AXDND1: variants seen among roughly 807,000 people sequenced by gnomAD.
The protein encoded by AXDND1 is axonemal dynein light chain domain containing 1, also known as axonemal dynein light chain domain-containing protein 1.
A neutral mutation model predicts 137.5 loss-of-function variants in AXDND1; 110 were observed. The ratio of observed to expected loss-of-function variants is 0.80; its 90% CI spans 0.69 to 0.94. The LOEUF is 0.94. Ranked by LOEUF, AXDND1 falls within the 40% of genes least tolerant of loss-of-function variation. AXDND1 has a pLI of 0.00. For synonymous variants in AXDND1, 414 were observed against 399.7 expected, an observed-to-expected ratio of 1.04 and a Z score of -0.43; for missense variants, 1,191 against 1,169.8, an observed-to-expected ratio of 1.02 and a Z score of -0.26.
At chr1:179,508,948 A>G (rs1430419371) in intron 20 of AXDND1, among the ~76,000 whole-genome samples, 2 of 152,188 alleles carry the variant, frequency 1.3e-5, no homozygotes, top group African/African-American at 2.4e-5. Context: ...GGTGTTTGCT[A>G]CTTCTGTTGT....
At chr1:179,471,244 A>G (rs563556152) in intron 17 of AXDND1, among the ~76,000 whole-genome samples, 1 of 152,320 alleles carries the variant, frequency 6.6e-6, no homozygotes, top group East Asian at 1.9e-4. Context: ...GCTTCATGAA[A>G]TGAGTTAGAA....
rs953709178 is a variant in AXDND1 at position 179,409,363 on chromosome 1, G to GT, written c.1110-1777dup. Among the ~76,000 whole-genome samples, 38 of 152,146 alleles carry GT rather than the reference G, an allele frequency of 2.5e-4. No individual in the cohort carries two copies. In the Middle Eastern group the frequency reaches 0.01, roughly 41 times the overall value. ...GAGTTTTTTGGTGCCACTTTTAGGGGTTTTTTAAAAAAATATGTAAGATCT... is the reference window on the plus strand; with the variant it reads ...GAGTTTTTTGGTGCCACTTTTAGGGGTTTTTTTAAAAAAATATGTAAGATCT... On this transcript the variant is annotated intron_variant, in intron 11 of 25. Coordinates refer to ENST00000367618, the MANE Select transcript of AXDND1 (RefSeq NM_144696.6).
chr1:179,415,888 T>C (rs1352025622), intron 12 of AXDND1, among the ~76,000 whole-genome samples: 1 of 152,204 alleles, frequency 6.6e-6, no homozygotes, highest in Admixed American at 6.5e-5. Context: ...AGATCAAATA[T>C]GTGTACTTAG....
intron 12 of AXDND1, among the ~76,000 whole-genome samples, 164 bp from the exon 13 acceptor site, chr1:179,429,354 A>T (rs534271342): frequency 6.6e-6 from 1 of 152,338 alleles, no homozygotes; most frequent in South Asian, 2.1e-4. Flanking sequence ...GTTTGGTTCC[A>T]GTTCAGTGGA....
chr1:179,400,888 G>C (rs1221071004), intron 11 of AXDND1, among the ~76,000 whole-genome samples: 2 of 102,664 alleles, frequency 1.9e-5, no homozygotes, highest in African/African-American at 3.9e-5. Flanking sequence ...CTGGGCAACA[G>C]AGCGAGACTC....
chr1:179,473,080 T>C (rs1467277337), intron 17 of AXDND1, among the ~76,000 whole-genome samples: 1 of 152,104 alleles, frequency 6.6e-6, no homozygotes, highest in Non-Finnish European at 1.5e-5. Flanking sequence ...GTTTCTCTGT[T>C]TTTCTTTTAT....
intron 21 of AXDND1, among the ~76,000 whole-genome samples, chr1:179,517,809 G>C (rs775443028): frequency 8.5e-5 from 13 of 152,226 alleles, no homozygotes; most frequent in Non-Finnish European, 1.6e-4. Context: ...GTGTCTCCCA[G>C]GTCCTGCAGG....
intron 15 of AXDND1, among the ~76,000 whole-genome samples, chr1:179,444,588 C>T (rs1441310383): frequency 6.6e-6 from 1 of 151,774 alleles, no homozygotes; most frequent in African/African-American, 2.4e-5. Context: ...CTTGTATATT[C>T]TAGGAACTTT....
intron 20 of AXDND1, among the ~76,000 whole-genome samples, chr1:179,502,582 AAAAG>A (rs1187539206): frequency 1.3e-5 from 2 of 151,464 alleles, no homozygotes; most frequent in Non-Finnish European, 2.9e-5. Context: ...AAAAAAAAAA[AAAAG>A]AAATTGCAAA....
chr1:179,431,290 C>T (rs749372960), intron 14 of AXDND1, among the ~76,000 whole-genome samples: 3 of 151,816 alleles, frequency 2.0e-5, no homozygotes, highest in Admixed American at 6.6e-5. Flanking sequence ...TACAGGCATG[C>T]GCCACCACAC....
At chr1:179,396,979 T>C (rs1195921920) in intron 11 of AXDND1, among the ~76,000 whole-genome samples, 2 of 152,204 alleles carry the variant, frequency 1.3e-5, no homozygotes, top group Non-Finnish European at 2.9e-5. Context: ...TTAGCCCATT[T>C]ACATTTAAGG....
intron 14 of AXDND1, 88 bp downstream of exon 14, chr1:179,430,694 C>A: frequency 7.3e-7 from 1 of 1,371,194 alleles, no homozygotes; most frequent in South Asian, 1.4e-5. Context: ...TGTCTTTTAC[C>A]TTGTAATCAC....
intron 8 of AXDND1, among the ~76,000 whole-genome samples, chr1:179,384,792 G>C (rs1208728187): frequency 6.7e-6 from 1 of 148,282 alleles, no homozygotes. Flanking sequence ...TTGAGACAAA[G>C]TCTCACTCTG....
rs375761691 is a variant in AXDND1, at chr1:179,428,980, A to C, written c.1231-538A>C. On this transcript the variant is annotated intron_variant, in intron 12 of 25. Coordinates refer to ENST00000367618, the MANE Select transcript of AXDND1 (RefSeq NM_144696.6). Reference sequence around the variant, plus strand: ...GATCACGAGGTCAGGAGATCGAGACAATCCTGGCTAACAGGTGAAACCTCA... The same window carrying C: ...GATCACGAGGTCAGGAGATCGAGACCATCCTGGCTAACAGGTGAAACCTCA... Among the ~76,000 whole-genome samples the C allele has an allele frequency of 1.8e-3, 264 of 150,566 alleles. 2 individuals are homozygous for C. Among genetic ancestry groups the C allele is most frequent in the Admixed American group, 0.012 (165 of 14,194 alleles).
intron 19 of AXDND1, among the ~76,000 whole-genome samples, 194 bp from the exon 20 acceptor site, chr1:179,492,661 A>G (rs1326899622): frequency 6.6e-6 from 1 of 152,216 alleles, no homozygotes; most frequent in Non-Finnish European, 1.5e-5. Flanking sequence ...GGAAGGGAGA[A>G]GGAGGACAAG....
chr1:179,446,059 G>C (rs138325461), intron 16 of AXDND1, among the ~76,000 whole-genome samples: 57 of 152,226 alleles, frequency 3.7e-4, no homozygotes, highest in African/African-American at 1.3e-3. Flanking sequence ...AAATCTCACT[G>C]TGGTTTTGAT....
intron 21 of AXDND1, among the ~76,000 whole-genome samples, chr1:179,517,558 G>T (rs746698326): frequency 2.0e-5 from 3 of 152,164 alleles, no homozygotes; most frequent in Non-Finnish European, 4.4e-5. Context: ...CCGCCCTCCC[G>T]AAGGATCCCT....
intron 16 of AXDND1, among the ~76,000 whole-genome samples, chr1:179,462,058 C>G (rs577847788): frequency 6.6e-6 from 1 of 152,182 alleles, no homozygotes; most frequent in South Asian, 2.1e-4. Flanking sequence ...GCCTGATTGC[C>G]CTGGCCATAA....
intron 18 of AXDND1, among the ~76,000 whole-genome samples, chr1:179,491,332 T>C (rs1408922196): frequency 2.0e-5 from 3 of 151,918 alleles, no homozygotes; most frequent in Non-Finnish European, 4.4e-5. Context: ...AATAAATAGA[T>C]ATCAATAAAA....
Sources: allele counts gnomAD v4.1 joint callset (sites outside exome capture counted in the v4.1 genomes callset), GRCh38; gene constraint gnomAD v4.1.1; transcripts MANE v1.5; gene names NCBI Gene and HGNC (gene_info 2026-07-23, HGNC 2026-07-21).